Variants in LRP1B observed in about 807,000 individuals in gnomAD.
LRP1B encodes LDL receptor related protein 1B.
A neutral mutation model predicts 556.6 loss-of-function variants in LRP1B; 217 were observed. That is an observed-to-expected ratio of 0.39 (90% confidence interval 0.35 to 0.44). LRP1B has a LOEUF of 0.44. LRP1B is among the 20% of genes least tolerant of loss of function. The probability of loss-of-function intolerance (pLI) is 1.00; values close to 1 mark genes in which losing one functional copy is unlikely to be tolerated. For missense variants in LRP1B, 5,053 were observed against 5,620.8 expected (o/e 0.90, Z 3.23); for synonymous variants, 2,047 against 1,865.8 (o/e 1.10, Z -2.50).
intron 41 of LRP1B, among the ~76,000 whole-genome samples, chr2:140,627,362 G>C (rs918208426): frequency 6.6e-6 from 1 of 152,124 alleles, no homozygotes. Context: ...GCAGAGGAAC[G>C]CAGAAGGACT....
chr2:140,799,223 A>G (rs1464389825), intron 32 of LRP1B, among the ~76,000 whole-genome samples: 1 of 152,104 alleles, frequency 6.6e-6, no homozygotes, highest in Non-Finnish European at 1.5e-5. Flanking sequence ...CCCAATTCAC[A>G]TGTTGAAGCC....
intron 7 of LRP1B, among the ~76,000 whole-genome samples, chr2:141,101,549 AAAT>A (rs1192164565): frequency 1.3e-5 from 2 of 152,168 alleles, no homozygotes; most frequent in Admixed American, 1.3e-4. Context: ...AGGAATCAAA[AAAT>A]AATAAAACCG....
intron 2 of LRP1B, among the ~76,000 whole-genome samples, chr2:141,774,164 T>C (rs7604400): frequency 0.3 from 45,847 of 151,942 alleles, 7,218 homozygotes; most frequent in African/African-American, 0.41. Context: ...AGGGCTAATT[T>C]TGAGTACAAA....
chr2:141,777,240 G>T (rs1298049786), intron 2 of LRP1B, among the ~76,000 whole-genome samples: 1 of 151,982 alleles, frequency 6.6e-6, no homozygotes, highest in Non-Finnish European at 1.5e-5. Flanking sequence ...TTTGACATGT[G>T]GGCAAAGTAA....
chr2:140,982,331 A>C, intron 17 of LRP1B, 55 bp from the exon 18 acceptor site: 2 of 1,063,690 alleles, frequency 1.9e-6, no homozygotes, highest in Non-Finnish European at 2.9e-6. Flanking sequence ...TTGAACATCA[A>C]GGATATAATT....
At chr2:140,598,499 T>A (rs1682528766) in intron 43 of LRP1B, 132 bp downstream of exon 43, 1 of 668,076 alleles carries the variant, frequency 1.5e-6, no homozygotes, top group African/African-American at 1.8e-5. Context: ...AGATTAGTTA[T>A]TCAATTGGAT....
chr2:141,920,270 CTT>C (rs57106513), intron 1 of LRP1B, among the ~76,000 whole-genome samples: 216 of 87,614 alleles, frequency 2.5e-3, no homozygotes, highest in African/African-American at 8.8e-3. Context: ...TTTTTTTCTT[CTT>C]TTTTTTTGGG....
intron 6 of LRP1B, among the ~76,000 whole-genome samples, chr2:141,205,301 G>A (rs1682224402): frequency 6.6e-6 from 1 of 152,014 alleles, no homozygotes; most frequent in South Asian, 2.1e-4. Flanking sequence ...ATTCGAGAGG[G>A]AAAAAATTGA....
chr2:140,444,214 C>T (rs1045028985), intron 65 of LRP1B, 116 bp downstream of exon 65: 87 of 1,084,434 alleles, frequency 8.0e-5, no homozygotes, highest in Middle Eastern at 3.2e-4. Context: ...ATTATTTGAC[C>T]ATAATTTCTT....
intron 7 of LRP1B, among the ~76,000 whole-genome samples, chr2:141,098,519 C>T (rs1168653294): frequency 6.6e-6 from 1 of 152,144 alleles, no homozygotes; most frequent in African/African-American, 2.4e-5. Flanking sequence ...GACCCTCAGA[C>T]CTCTCAATTG....
intron 81 of LRP1B, 24 bp from the exon 82 acceptor site, chr2:140,322,112 G>GAAGTGTGTAAATATAGATACAA (rs1301988468): frequency 1.2e-5 from 19 of 1,605,446 alleles, no homozygotes; most frequent in Non-Finnish European, 1.6e-5. Context: ...AGAAAACAAA[G>GAAGTGTGTAAATATAGATACAA]AAGTGTGTAA....
At chr2:140,943,735 T>C (rs554612209) in intron 20 of LRP1B, among the ~76,000 whole-genome samples, 130 of 151,944 alleles carry the variant, frequency 8.6e-4, no homozygotes, top group Non-Finnish European at 1.7e-3. Context: ...AAAATAGAGA[T>C]ACAGCATACT....
chr2:142,074,076 C>G (rs1232391571), intron 1 of LRP1B, among the ~76,000 whole-genome samples: 1 of 152,044 alleles, frequency 6.6e-6, no homozygotes, highest in Non-Finnish European at 1.5e-5. Context: ...TTGCCACTCT[C>G]CTGTACCTTT....
At chr2:140,373,618 A>G (rs1683091416) in intron 68 of LRP1B, among the ~76,000 whole-genome samples, 1 of 152,110 alleles carries the variant, frequency 6.6e-6, no homozygotes, top group Non-Finnish European at 1.5e-5. Flanking sequence ...GAGATAATAA[A>G]AGAGTTAAAG....
intron 31 of LRP1B, among the ~76,000 whole-genome samples, chr2:140,833,716 A>C (rs1367377929): frequency 6.6e-6 from 1 of 152,074 alleles, no homozygotes; most frequent in African/African-American, 2.4e-5. Flanking sequence ...ACACACCCAT[A>C]ATTGGCTTTC....
chr2:140,635,279 T>A (rs1475772505), intron 41 of LRP1B, among the ~76,000 whole-genome samples: 3 of 152,016 alleles, frequency 2.0e-5, no homozygotes, highest in Admixed American at 1.3e-4. Context: ...TTTAGCAGAA[T>A]GCATGGCATA....
intron 41 of LRP1B, among the ~76,000 whole-genome samples, chr2:140,644,545 G>A (rs1276520736): frequency 1.3e-5 from 2 of 151,664 alleles, no homozygotes; most frequent in Non-Finnish European, 2.9e-5. Flanking sequence ...CTATAGACAC[G>A]TGTCACCATG....
intron 3 of LRP1B, among the ~76,000 whole-genome samples, chr2:141,267,874 G>A (rs148478465): frequency 6.8e-4 from 104 of 152,286 alleles, no homozygotes; most frequent in African/African-American, 2.4e-3. Context: ...AGTTGGGTTA[G>A]CGGAGGTTTG....
At chr2:142,008,959 A>T in intron 1 of LRP1B, among the ~76,000 whole-genome samples, 1 of 152,160 alleles carries the variant, frequency 6.6e-6, no homozygotes, top group Non-Finnish European at 1.5e-5. Flanking sequence ...CACCACCCAG[A>T]ACCCTGTTAG....
Sources: gnomAD v4.1 joint callset for allele counts (sites outside exome capture counted in the v4.1 genomes callset) on GRCh38, gnomAD v4.1.1 for gene constraint, MANE v1.5 for transcripts, NCBI Gene and HGNC (gene_info 2026-07-23, HGNC 2026-07-21) for gene names.